MCTP1: variants seen among roughly 807,000 people sequenced by gnomAD.
The protein encoded by MCTP1 is multiple C2 and transmembrane domain-containing protein 1.
In MCTP1, 69 loss-of-function variants were observed where a neutral mutation model predicts 120.6. That is an observed-to-expected ratio of 0.57 (90% CI 0.47 to 0.70). MCTP1 has a LOEUF of 0.70. Ranked by LOEUF, MCTP1 falls within the 30% of genes least tolerant of loss-of-function variation. MCTP1 has a pLI of 0.00. For synonymous variants in MCTP1, 529 were observed against 493.1 expected, an observed-to-expected ratio of 1.07 and a Z score of -0.96; for missense variants, 1,203 against 1,248.8, an observed-to-expected ratio of 0.96 and a Z score of 0.55.
intron 19 of MCTP1, among the ~76,000 whole-genome samples, chr5:94,760,243 A>G (rs1376253824): frequency 6.6e-6 from 1 of 152,184 alleles, no homozygotes; most frequent in Non-Finnish European, 1.5e-5. Context: ...AAATTGCCAA[A>G]GTATGAAATC....
At chr5:94,779,248 C>T in intron 18 of MCTP1, 85 bp from the exon 19 acceptor site, 2 of 1,126,612 alleles carry the variant, frequency 1.8e-6, no homozygotes, top group African/African-American at 3.1e-5. Context: ...GAAATGAAAA[C>T]TTTATTAACA....
At chr5:95,249,126 C>T (rs1421585264) in intron 1 of MCTP1, among the ~76,000 whole-genome samples, 2 of 152,008 alleles carry the variant, frequency 1.3e-5, no homozygotes, top group Non-Finnish European at 2.9e-5. Flanking sequence ...ACTAAAATAC[C>T]AAAAGCAATG....
intron 7 of MCTP1, among the ~76,000 whole-genome samples, chr5:94,918,829 C>T (rs1810813675): frequency 6.6e-6 from 1 of 152,128 alleles, no homozygotes; most frequent in Admixed American, 6.6e-5. Context: ...GCTGTTTTCG[C>T]ACTCCAGTGT....
At chr5:95,198,554 AG>A (rs1750644998) in intron 1 of MCTP1, among the ~76,000 whole-genome samples, 1 of 152,220 alleles carries the variant, frequency 6.6e-6, no homozygotes, top group Non-Finnish European at 1.5e-5. Flanking sequence ...GGTATTTAGT[AG>A]GTTAGGTGGA....
intron 1 of MCTP1, among the ~76,000 whole-genome samples, chr5:95,090,853 A>G (rs1426089): frequency 0.91 from 138,960 of 152,064 alleles, 63,912 homozygotes; most frequent in Non-Finnish European, 0.97. Context: ...CTGAGCTCTC[A>G]CCTGTATATA....
intron 19 of MCTP1, among the ~76,000 whole-genome samples, chr5:94,724,366 C>T (rs1761643799): frequency 1.3e-5 from 2 of 151,726 alleles, no homozygotes; most frequent in South Asian, 4.2e-4. Context: ...CCACTTCAGC[C>T]TCTTGAGTAG....
chr5:95,185,801 G>A (rs1262141080), intron 1 of MCTP1, among the ~76,000 whole-genome samples: 3 of 152,016 alleles, frequency 2.0e-5, no homozygotes, highest in African/African-American at 7.2e-5. Flanking sequence ...TTTGAGACCA[G>A]CCTGGCCAAC....
At chr5:95,080,193 T>C (rs1268317789) in intron 1 of MCTP1, among the ~76,000 whole-genome samples, 2 of 152,190 alleles carry the variant, frequency 1.3e-5, no homozygotes, top group Non-Finnish European at 1.5e-5. Context: ...TAGGCATGTG[T>C]ACTTTTATGG....
chr5:95,202,398 G>C (rs187698856), intron 1 of MCTP1, among the ~76,000 whole-genome samples: 2 of 152,220 alleles, frequency 1.3e-5, no homozygotes, highest in Admixed American at 1.3e-4. Flanking sequence ...CTGGCTCCCT[G>C]GTTCTCCAGT....
intron 1 of MCTP1, among the ~76,000 whole-genome samples, chr5:95,168,819 A>G (rs1451091336): frequency 2.0e-5 from 3 of 152,092 alleles, no homozygotes; most frequent in East Asian, 1.9e-4. Context: ...GGGTTTTCTA[A>G]ATATACAATC....
At chr5:94,833,451 CAA>C (rs1789017067) in intron 17 of MCTP1, among the ~76,000 whole-genome samples, 1 of 151,972 alleles carries the variant, frequency 6.6e-6, no homozygotes, top group African/African-American at 2.4e-5. Context: ...TAATATGGCC[CAA>C]TTATGTGGTA....
chr5:95,021,283 A>G (rs1302408435), intron 1 of MCTP1, among the ~76,000 whole-genome samples: 2 of 152,092 alleles, frequency 1.3e-5, no homozygotes, highest in Admixed American at 1.3e-4. Flanking sequence ...GAAAAAATAA[A>G]AAATAAAAAC....
At chr5:95,270,676 T>A (rs1355464402) in intron 1 of MCTP1, among the ~76,000 whole-genome samples, 1 of 152,132 alleles carries the variant, frequency 6.6e-6, no homozygotes, top group Non-Finnish European at 1.5e-5. Flanking sequence ...ATGCCTGTAA[T>A]CCCAGTACTT....
intron 6 of MCTP1, among the ~76,000 whole-genome samples, chr5:94,926,342 A>G (rs1813114451): frequency 6.6e-6 from 1 of 152,066 alleles, no homozygotes; most frequent in South Asian, 2.1e-4. Flanking sequence ...ATAGGAACTC[A>G]ATTTCCTTTA....
At chr5:95,073,237 C>T (rs915308340) in intron 1 of MCTP1, among the ~76,000 whole-genome samples, 1 of 152,144 alleles carries the variant, frequency 6.6e-6, no homozygotes, top group African/African-American at 2.4e-5. Context: ...GAGACGGCGT[C>T]CACATTGTGG....
At chr5:95,017,549 G>GACCATCTCTAAAGGGGA in intron 1 of MCTP1, 65 bp from the exon 2 acceptor site, 1 of 1,026,138 alleles carries the variant, frequency 9.7e-7, no homozygotes, top group East Asian at 2.8e-5. Context: ...TCTAAAGGGG[G>GACCATCTCTAAAGGGGA]ACCATATATA....
chr5:94,924,034 A>G lies in MCTP1; in HGVS notation c.1213-13T>C. On this transcript the variant is annotated splice_polypyrimidine_tract_variant and intron_variant, in intron 6 of 22. Coordinates refer to ENST00000515393, the MANE Select transcript of MCTP1 (RefSeq NM_024717.7). ...TTTCTGAAAGTTCCTAGAAACAAAC[A>G]AATATTTAGCTACATTTTGAGATGT... 3 of 1,416,068 alleles carry G rather than the reference A, an allele frequency of 2.1e-6. No homozygotes were observed. Among genetic ancestry groups the G allele is most frequent in the Non-Finnish European group, 2.8e-6 (3 of 1,053,074 alleles). The allele number at this position is 1,416,068 out of a possible 1,614,324, so 87.7% of individuals were successfully genotyped here.
intron 21 of MCTP1, chr5:94,710,320 C>T (rs1756434299): frequency 6.5e-6 from 1 of 152,700 alleles, no homozygotes; most frequent in Admixed American, 6.6e-5. Flanking sequence ...GTTTAGTACA[C>T]ATAAAAGGAT....
At chr5:94,737,515 TAA>T in intron 19 of MCTP1, among the ~76,000 whole-genome samples, 1 of 152,292 alleles carries the variant, frequency 6.6e-6, no homozygotes, top group South Asian at 2.1e-4. Flanking sequence ...TAGAAAAAAT[TAA>T]AATAGGGAGT....
Sources: allele counts gnomAD v4.1 joint callset (sites outside exome capture counted in the v4.1 genomes callset), GRCh38; gene constraint gnomAD v4.1.1; transcripts MANE v1.5; gene names NCBI Gene and HGNC (gene_info 2026-07-23, HGNC 2026-07-21).